Variants in FARP1 observed in about 807,000 individuals in gnomAD.
FARP1 encodes the protein FERM, ARH/RhoGEF and pleckstrin domain protein 1.
Under a neutral mutation model 128.8 loss-of-function variants are expected in FARP1, and 52 were observed. The ratio of observed to expected loss-of-function variants is 0.40; its 90% CI spans 0.32 to 0.51. The LOEUF (loss-of-function observed/expected upper bound fraction) is 0.51. Among genes scored for constraint, FARP1 ranks in the 20% least tolerant of loss-of-function variants. The pLI is 0.45. For missense variants in FARP1, 1,333 were observed against 1,367.9 expected (o/e 0.97, Z 0.40); for synonymous variants, 580 against 551.8 (o/e 1.05, Z -0.72).
intron 2 of FARP1, among the ~76,000 whole-genome samples, chr13:98,238,797 G>T (rs566245547): frequency 5.2e-4 from 79 of 152,224 alleles, no homozygotes; most frequent in Non-Finnish European, 9.4e-4. Context: ...CCATATCATT[G>T]ACTGGCTATG....
intron 1 of FARP1, among the ~76,000 whole-genome samples, chr13:98,189,653 CTTA>C (rs577693353): frequency 1.6e-3 from 246 of 152,322 alleles, no homozygotes; most frequent in Non-Finnish European, 2.8e-3. Flanking sequence ...AGAATATTTA[CTTA>C]TTATTGCCAT....
chr13:98,179,821 C>T (rs1332817335), intron 1 of FARP1, among the ~76,000 whole-genome samples: 1 of 152,136 alleles, frequency 6.6e-6, no homozygotes, highest in Non-Finnish European at 1.5e-5. Context: ...CAAGCCACTG[C>T]ACTCCAGCCT....
At chr13:98,214,744 T>C (rs1880959051) in intron 2 of FARP1, among the ~76,000 whole-genome samples, 1 of 152,214 alleles carries the variant, frequency 6.6e-6, no homozygotes, top group African/African-American at 2.4e-5. Context: ...GGAATTTGTA[T>C]CTTTCAAGGA....
chr13:98,146,743 C>T (rs556622276), intron 1 of FARP1, among the ~76,000 whole-genome samples: 7 of 152,288 alleles, frequency 4.6e-5, no homozygotes, highest in Non-Finnish European at 8.8e-5. Context: ...TATTGGTTAC[C>T]GTTTGCCTGG....
At chr13:98,160,673 T>A (rs285101) in intron 1 of FARP1, among the ~76,000 whole-genome samples, 144,200 of 152,028 alleles carry the variant, frequency 0.95, 68,839 homozygotes, top group East Asian at 1. Flanking sequence ...TAATTTAAAT[T>A]TTTTTTTTGA....
chr13:98,176,297 G>T lies in FARP1; in HGVS notation c.-24+32805G>T. ...TTGCCCCCACCTTCTGCAGCCTGAA[G>T]CTTTTGCAGTTTCGCCATCAGTTCT... On this transcript the variant is annotated intron_variant, in intron 1 of 26. Coordinates refer to ENST00000319562, the MANE Select transcript of FARP1 (RefSeq NM_005766.4). The surrounding 1 kb of genome is among the most constrained non-coding windows in gnomAD (Gnocchi z 6.2). The T allele has an allele frequency of 6.2e-7, 1 of 1,612,766 alleles. No individual in the cohort carries two copies. Among genetic ancestry groups the T allele is most frequent in the East Asian group, 2.2e-5 (1 of 44,846 alleles).
intron 2 of FARP1, among the ~76,000 whole-genome samples, chr13:98,251,682 CAAAA>C (rs745852802): frequency 1.3e-4 from 12 of 90,570 alleles, no homozygotes; most frequent in African/African-American, 4.6e-4. Flanking sequence ...GACTCCATCT[CAAAA>C]AAAAAAAAAA....
rs768975303 is a variant in FARP1 at position 98,213,209 on chromosome 13, G to C, written c.-23-11G>C. 3.8e-6 allele frequency: 6 copies of C among 1,596,780 alleles called. No individual in the cohort carries two copies. Among genetic ancestry groups the C allele is most frequent in the Non-Finnish European group, 8.5e-7 (1 of 1,171,890 alleles). Reference sequence around the variant, plus strand: ...TTCTGATGTGTTTTTCTTTCTCACTGCTTCCTGCAGATATTCTCTAAGCCG... The same window carrying C: ...TTCTGATGTGTTTTTCTTTCTCACTCCTTCCTGCAGATATTCTCTAAGCCG... On this transcript the variant is annotated splice_polypyrimidine_tract_variant and intron_variant, in intron 1 of 26. Transcript: ENST00000319562.
Position 98,448,987 on chromosome 13 carries a change from T to C in FARP1, c.*670T>C, listed in dbSNP as rs1345791269. On this transcript the variant is annotated 3_prime_UTR_variant, in exon 27 of 27. Coordinates refer to ENST00000319562, the MANE Select transcript of FARP1 (RefSeq NM_005766.4). ...CAAATCGTTTTAAGTGGTAACTCTT[T>C]CCAACCGTAGCAGGGTTGTTTTCTG... 6.6e-6 allele frequency: 1 copy of C among 152,244 alleles called. No individual in the cohort carries two copies. Among genetic ancestry groups the C allele is most frequent in the Admixed American group, 6.5e-5 (1 of 15,286 alleles). 9.4% of individuals were successfully genotyped at this position (152,244 alleles called of 1,614,324 possible).
chr13:98,392,835 T>TC (rs1403824508), intron 11 of FARP1, among the ~76,000 whole-genome samples: 1 of 15,606 alleles, frequency 6.4e-5, no homozygotes, highest in Non-Finnish European at 1.0e-4. Context: ...TTTCAGGAGG[T>TC]TTTTTTTTTG....
At chr13:98,295,098 CACACACATAT>C (rs1187456075) in intron 2 of FARP1, among the ~76,000 whole-genome samples, 1,306 of 25,190 alleles carry the variant, frequency 0.052, 64 homozygotes, top group African/African-American at 0.072. Flanking sequence ...CACACACACA[CACACACATAT>C]ATCCCCAGGC....
chr13:98,258,237 G>A (rs1000639124), intron 2 of FARP1, among the ~76,000 whole-genome samples: 2 of 152,138 alleles, frequency 1.3e-5, no homozygotes, highest in African/African-American at 4.8e-5. Context: ...AAAGTGCTGG[G>A]ATTACAGGCA....
At chr13:98,152,466 C>G (rs565566281) in intron 1 of FARP1, among the ~76,000 whole-genome samples, 1 of 152,240 alleles carries the variant, frequency 6.6e-6, no homozygotes, top group African/African-American at 2.4e-5. Context: ...TCACAGCAGC[C>G]ATGTTTTTAC....
At chr13:98,431,393 TG>T in intron 18 of FARP1, 113 bp downstream of exon 18, 1 of 650,486 alleles carries the variant, frequency 1.5e-6, no homozygotes, top group Middle Eastern at 4.3e-4. Flanking sequence ...CAGCTGATGC[TG>T]GGTCCCAGGT....
At chr13:98,200,293 T>G (rs993645185) in intron 1 of FARP1, among the ~76,000 whole-genome samples, 1 of 152,082 alleles carries the variant, frequency 6.6e-6, no homozygotes, top group Admixed American at 6.6e-5. Context: ...CAACTGTCAT[T>G]TTAGCTAATC....
chr13:98,446,596 G>A (rs567723708), intron 25 of FARP1, 70 bp from the exon 26 acceptor site: 27 of 1,515,078 alleles, frequency 1.8e-5, no homozygotes, highest in Middle Eastern at 1.7e-4. Context: ...TGTCTGATGC[G>A]GGGCAGCAGC....
chr13:98,395,706 C>T, intron 13 of FARP1: 1 of 479,172 alleles, frequency 2.1e-6, no homozygotes, highest in Admixed American at 3.8e-5. Flanking sequence ...CTTCCCCGCA[C>T]TCTGCGAAGT....
At chr13:98,164,295 G>A (rs1022256498) in intron 1 of FARP1, among the ~76,000 whole-genome samples, 5 of 141,794 alleles carry the variant, frequency 3.5e-5, no homozygotes, top group South Asian at 2.1e-4. Context: ...GGCGGGTGAC[G>A]GAACATCTGG....
chr13:98,275,313 T>G (rs1031018218), intron 2 of FARP1, among the ~76,000 whole-genome samples: 2 of 148,898 alleles, frequency 1.3e-5, no homozygotes, highest in Admixed American at 1.4e-4. Flanking sequence ...CCACATAGAA[T>G]AGGTGGCAGT....
Sources: allele counts gnomAD v4.1 joint callset (sites outside exome capture counted in the v4.1 genomes callset), GRCh38; gene constraint gnomAD v4.1.1; non-coding constraint Gnocchi (gnomAD v3.1); transcripts MANE v1.5; gene names NCBI Gene and HGNC (gene_info 2026-07-23, HGNC 2026-07-21).